The following EDAR variants were observed in gnomAD, a reference collection of about 807,000 sequenced individuals.
The protein encoded by EDAR is tumor necrosis factor receptor superfamily member EDAR.
EDAR carries 38 observed loss-of-function variants against 51.3 expected under a neutral mutation model. That is an observed-to-expected ratio of 0.74 (90% CI 0.57 to 0.97). The LOEUF (loss-of-function observed/expected upper bound fraction) is 0.97. EDAR is among the 50% of genes least tolerant of loss of function. The probability of loss-of-function intolerance (pLI) is 0.00; values close to 1 mark genes in which losing one functional copy is unlikely to be tolerated. For synonymous variants in EDAR, 227 were observed against 242.1 expected, an observed-to-expected ratio of 0.94 and a Z score of 0.58; for missense variants, 528 against 595.0, an observed-to-expected ratio of 0.89 and a Z score of 1.17.
chr2:108,926,395 C>G (rs1433342959), intron 4 of EDAR, among the ~76,000 whole-genome samples: 1 of 152,232 alleles, frequency 6.6e-6, no homozygotes, highest in East Asian at 1.9e-4. Flanking sequence ...TGTTTAAGGA[C>G]TGACTTTCTC....
chr2:108,908,060 G>A, intron 9 of EDAR, 41 bp from the exon 10 acceptor site: 1 of 1,571,338 alleles, frequency 6.4e-7, no homozygotes, highest in Non-Finnish European at 8.7e-7. Flanking sequence ...GTGCCTGGGG[G>A]GGCTGCAGCC....
intron 1 of EDAR, among the ~76,000 whole-genome samples, chr2:108,966,041 TA>T (rs1698146016): frequency 2.0e-5 from 3 of 152,182 alleles, no homozygotes; most frequent in Admixed American, 2.0e-4. Flanking sequence ...ATACCACAAT[TA>T]AAACATTCAA....
chr2:108,988,151 G>C (rs1261560403), intron 1 of EDAR, among the ~76,000 whole-genome samples: 3 of 152,204 alleles, frequency 2.0e-5, no homozygotes, highest in African/African-American at 7.2e-5. Context: ...TGCCCTGCTT[G>C]TTGATTTTAA....
At chr2:108,898,152 G>A (rs1019553800) in intron 11 of EDAR, among the ~76,000 whole-genome samples, 2 of 152,142 alleles carry the variant, frequency 1.3e-5, no homozygotes, top group Non-Finnish European at 1.5e-5. Flanking sequence ...CAGAAAAACT[G>A]TGTCCCCACT....
intron 1 of EDAR, among the ~76,000 whole-genome samples, chr2:108,954,800 T>G (rs1186226154): frequency 6.6e-6 from 1 of 151,982 alleles, no homozygotes; most frequent in African/African-American, 2.4e-5. Flanking sequence ...CTCAGCCTCC[T>G]GAGTAGCTAG....
rs561589032 is a variant in EDAR, at chr2:108,967,029, G to A, written c.-19+21931C>T. Among the ~76,000 whole-genome samples, 8 of 152,286 alleles carry A rather than the reference G, an allele frequency of 5.3e-5. No individual in the cohort carries two copies. In the East Asian group the frequency reaches 1.4e-3, roughly 26 times the overall value. On this transcript the variant is annotated intron_variant, in intron 1 of 11. Coordinates refer to ENST00000258443, the MANE Select transcript of EDAR (RefSeq NM_022336.4). ...GGCCCACTGAAACCTCTGCTTCCCA[G>A]GTTCAAGCAATTCTTCTGCCTCAGC...
At chr2:108,968,681 G>T (rs1021063102) in intron 1 of EDAR, among the ~76,000 whole-genome samples, 1 of 152,182 alleles carries the variant, frequency 6.6e-6, no homozygotes, top group Non-Finnish European at 1.5e-5. Flanking sequence ...GCTGTGCACA[G>T]AATTTGCCCC....
intron 9 of EDAR, among the ~76,000 whole-genome samples, chr2:108,909,075 T>C (rs570624349): frequency 2.5e-4 from 38 of 152,342 alleles, no homozygotes; most frequent in Admixed American, 2.4e-3. Flanking sequence ...CCTTGCTGTC[T>C]TTTAACGTAC....
chr2:108,903,135 C>T (rs544344352), intron 11 of EDAR, among the ~76,000 whole-genome samples: 17 of 152,136 alleles, frequency 1.1e-4, no homozygotes, highest in Non-Finnish European at 2.1e-4. Flanking sequence ...TTTAAATTGT[C>T]GTTTACAGTG....
intron 5 of EDAR, among the ~76,000 whole-genome samples, chr2:108,922,825 G>A (rs534854654): frequency 1.4e-4 from 21 of 152,040 alleles, no homozygotes; most frequent in Admixed American, 9.8e-4. Flanking sequence ...CTGGCCCTTC[G>A]TCATAAACAG....
intron 6 of EDAR, among the ~76,000 whole-genome samples, chr2:108,912,418 G>A (rs1177313160): frequency 6.6e-6 from 1 of 152,130 alleles, no homozygotes; most frequent in Non-Finnish European, 1.5e-5. Flanking sequence ...TGCCTGTGCT[G>A]TCCACCTGCC....
intron 1 of EDAR, among the ~76,000 whole-genome samples, chr2:108,955,079 T>A (rs1299517351): frequency 6.6e-6 from 1 of 152,064 alleles, no homozygotes; most frequent in African/African-American, 2.4e-5. Context: ...ATAATAGCAT[T>A]AAAGGGTAGT....
chr2:108,980,387 C>G (rs1698398629), intron 1 of EDAR, among the ~76,000 whole-genome samples: 1 of 152,070 alleles, frequency 6.6e-6, no homozygotes, highest in African/African-American at 2.4e-5. Flanking sequence ...CTCTGGTGGG[C>G]ACGCCCTGCC....
chr2:108,981,119 T>C (rs886393549), intron 1 of EDAR, among the ~76,000 whole-genome samples: 7 of 152,088 alleles, frequency 4.6e-5, no homozygotes, highest in African/African-American at 1.7e-4. Context: ...GAAATCCACA[T>C]AATATTCCCA....
chr2:108,940,708 A>C (rs1261644941), intron 1 of EDAR, among the ~76,000 whole-genome samples: 1 of 152,246 alleles, frequency 6.6e-6, no homozygotes, highest in Admixed American at 6.5e-5. Context: ...ACACCACGCG[A>C]TGACGTGGGT....
intron 10 of EDAR, 73 bp downstream of exon 10, chr2:108,907,787 A>C: frequency 6.4e-7 from 1 of 1,571,830 alleles, no homozygotes; most frequent in Non-Finnish European, 8.7e-7. Flanking sequence ...CTGATTCAAT[A>C]AGAAAGTTTT....
At chr2:108,934,970 G>C (rs77143704) in intron 1 of EDAR, among the ~76,000 whole-genome samples, 8 of 152,222 alleles carry the variant, frequency 5.3e-5, no homozygotes, top group Non-Finnish European at 1.0e-4. Context: ...CAGTTCAGGG[G>C]TTGTGAAGCC....
chr2:108,906,929 G>A (rs949705414), intron 10 of EDAR, among the ~76,000 whole-genome samples: 9 of 152,246 alleles, frequency 5.9e-5, no homozygotes, highest in African/African-American at 2.2e-4. Context: ...GACCAGGCTG[G>A]AGCCAGGATC....
At chr2:108,965,464 C>CAG (rs1553454294) in intron 1 of EDAR, among the ~76,000 whole-genome samples, 1 of 137,392 alleles carries the variant, frequency 7.3e-6, no homozygotes, top group Non-Finnish European at 1.6e-5. Flanking sequence ...GATTTCGTCT[C>CAG]AAAAAAAAAA....
Sources: gnomAD v4.1 joint callset for allele counts (sites outside exome capture counted in the v4.1 genomes callset) on GRCh38, gnomAD v4.1.1 for gene constraint, MANE v1.5 for transcripts, NCBI Gene and HGNC (gene_info 2026-07-23, HGNC 2026-07-21) for gene names.